The following SDK1 variants were observed in gnomAD, a reference collection of about 807,000 sequenced individuals.
SDK1 encodes the protein sidekick cell adhesion molecule 1, also known as protein sidekick-1.
Under a neutral mutation model 245.5 loss-of-function variants are expected in SDK1, and 157 were observed. The observed-to-expected ratio is 0.64, with a 90% CI of 0.56 to 0.73. The LOEUF is 0.73. SDK1 is among the 30% of genes least tolerant of loss of function. The pLI is 0.00. For synonymous variants in SDK1, 1,647 were observed against 1,278.5 expected, an observed-to-expected ratio of 1.29 and a Z score of -6.15; for missense variants, 3,583 against 3,002.3, an observed-to-expected ratio of 1.19 and a Z score of -4.52.
chr7:3,454,098 C>A (rs942757181), intron 1 of SDK1, among the ~76,000 whole-genome samples: 7 of 152,060 alleles, frequency 4.6e-5, no homozygotes, highest in Non-Finnish European at 1.5e-5. Context: ...ATTCACAGTA[C>A]ATCACCAGCT....
At chr7:3,465,292 C>G (rs1407682583) in intron 1 of SDK1, among the ~76,000 whole-genome samples, 3 of 152,098 alleles carry the variant, frequency 2.0e-5, no homozygotes, top group Non-Finnish European at 4.4e-5. Flanking sequence ...TAGAGGTCAT[C>G]ATAATTCTCC....
chr7:3,930,854 G>A (rs1779952119), intron 5 of SDK1, among the ~76,000 whole-genome samples: 1 of 152,126 alleles, frequency 6.6e-6, no homozygotes, highest in Non-Finnish European at 1.5e-5. Context: ...GTTGTACTAG[G>A]TTTGGAACAA....
intron 4 of SDK1, among the ~76,000 whole-genome samples, chr7:3,773,307 C>T (rs1583398966): frequency 6.6e-6 from 1 of 152,054 alleles, no homozygotes; most frequent in Non-Finnish European, 1.5e-5. Flanking sequence ...TTTCTTCCAC[C>T]TCATTAAAAT....
chr7:3,547,243 G>A (rs147794508), intron 1 of SDK1, among the ~76,000 whole-genome samples: 5 of 152,056 alleles, frequency 3.3e-5, no homozygotes, highest in African/African-American at 1.2e-4. Flanking sequence ...CATATTTAAG[G>A]TTGGATAAAA....
chr7:4,171,910 G>T (rs995537325), intron 32 of SDK1, among the ~76,000 whole-genome samples: 8 of 152,168 alleles, frequency 5.3e-5, no homozygotes, highest in Non-Finnish European at 1.2e-4. Flanking sequence ...GCACACCGTG[G>T]GGGGAACACA....
At chr7:3,686,447 G>C (rs372570532) in intron 4 of SDK1, among the ~76,000 whole-genome samples, 1 of 152,136 alleles carries the variant, frequency 6.6e-6, no homozygotes, top group Non-Finnish European at 1.5e-5. Flanking sequence ...TTTGTATTAG[G>C]TGTCCAGGGC....
intron 1 of SDK1, among the ~76,000 whole-genome samples, chr7:3,525,749 C>G (rs1440999384): frequency 6.6e-6 from 1 of 152,084 alleles, no homozygotes; most frequent in Non-Finnish European, 1.5e-5. Context: ...TATTTCCTGT[C>G]TCCATTGTAA....
At chr7:4,217,975 A>G (rs1784926580) in intron 38 of SDK1, among the ~76,000 whole-genome samples, 1 of 152,206 alleles carries the variant, frequency 6.6e-6, no homozygotes, top group African/African-American at 2.4e-5. Context: ...GACAGGACCC[A>G]GTTTGTGTGT....
chr7:4,176,167 T>G (rs987487706), intron 34 of SDK1, among the ~76,000 whole-genome samples: 3 of 146,048 alleles, frequency 2.1e-5, no homozygotes, highest in African/African-American at 7.4e-5. Flanking sequence ...TTTCTTTACT[T>G]TTTTTTTTTT....
chr7:3,958,140 ACAGTTC>A, intron 7 of SDK1: 3 of 370,442 alleles, frequency 8.1e-6, no homozygotes, highest in South Asian at 6.1e-5. Context: ...GCTCTGGAAG[ACAGTTC>A]CCAGAAATTA....
rs763417643 is a variant in SDK1 at position 3,767,513 on chromosome 7, G to GCATGATAGCTTATTAACACA, written c.714-53937_714-53936insCATGATAGCTTATTAACACA. Among the ~76,000 whole-genome samples the GCATGATAGCTTATTAACACA allele has an allele frequency of 3.7e-3, 564 of 152,258 alleles. 2 individuals are homozygous for GCATGATAGCTTATTAACACA. Among genetic ancestry groups the GCATGATAGCTTATTAACACA allele is most frequent in the Middle Eastern group, 6.8e-3 (2 of 294 alleles). On this transcript the variant is annotated intron_variant, in intron 4 of 44. Transcript: ENST00000404826. ...GTAATTGCTTATTTTAACACAAAAT[G>GCATGATAGCTTATTAACACA]AAATTCATGATAGCTAACACTTACA...
intron 4 of SDK1, among the ~76,000 whole-genome samples, chr7:3,751,525 A>G (rs972333436): frequency 5.9e-5 from 9 of 152,166 alleles, no homozygotes; most frequent in Admixed American, 6.5e-5. Flanking sequence ...AGTGCCTCCA[A>G]TGCTTCAAAG....
chr7:3,953,076 A>G lies in SDK1; in HGVS notation c.1150+1156A>G, dbSNP rs150220658. 2.5e-3 allele frequency among the ~76,000 whole-genome samples: 387 copies of G among 152,148 alleles called. 3 individuals carry two copies. The highest frequency in any genetic ancestry group is 8.8e-3 in the African/African-American group (366 of 41,470). On this transcript the variant is annotated intron_variant, in intron 7 of 44. Transcript: ENST00000404826. ...CGACTTCCTCTCTCCTCTTTGGGAA[A>G]AAGGGGAATTGAGAACAGGAAAATT... is the stretch of plus-strand genomic sequence containing the variant.
intron 2 of SDK1, among the ~76,000 whole-genome samples, chr7:3,621,657 C>G (rs1286780786): frequency 6.6e-6 from 1 of 152,180 alleles, no homozygotes; most frequent in Non-Finnish European, 1.5e-5. Flanking sequence ...TTTCTCTTTT[C>G]CGACCACCTG....
chr7:4,093,953 C>T lies in SDK1; in HGVS notation c.3324+14369C>T, dbSNP rs560294351. Among the ~76,000 whole-genome samples the T allele has an allele frequency of 7.0e-4, 106 of 152,318 alleles. 1 individual carries two copies. Among genetic ancestry groups the T allele is most frequent in the Non-Finnish European group, 7.6e-4 (52 of 68,028 alleles). On this transcript the variant is annotated intron_variant, in intron 22 of 44. Coordinates refer to ENST00000404826, the MANE Select transcript of SDK1 (RefSeq NM_152744.4). ...CAGAGGTGAATCCTGGGGAAAATGT[C>T]GTCTCAGCAGATGAGTGTATCTGCT...
intron 5 of SDK1, among the ~76,000 whole-genome samples, chr7:3,886,139 T>G (rs1781333679): frequency 1.3e-5 from 2 of 152,210 alleles, no homozygotes; most frequent in African/African-American, 4.8e-5. Flanking sequence ...AAACACGGAC[T>G]GTACAGTTAT....
At chr7:3,783,190 A>C (rs1242798004) in intron 4 of SDK1, among the ~76,000 whole-genome samples, 1 of 152,236 alleles carries the variant, frequency 6.6e-6, no homozygotes, top group African/African-American at 2.4e-5. Flanking sequence ...AATTCTCGGC[A>C]AATTAGTTGT....
intron 1 of SDK1, among the ~76,000 whole-genome samples, chr7:3,398,782 TTTTC>T (rs927149266): frequency 2.0e-5 from 3 of 151,340 alleles, no homozygotes; most frequent in African/African-American, 2.4e-5. Flanking sequence ...TTTTTTTTTT[TTTTC>T]CTCAAGCTAG....
chr7:3,398,019 G>C (rs898882584), intron 1 of SDK1, among the ~76,000 whole-genome samples: 1 of 152,078 alleles, frequency 6.6e-6, no homozygotes, highest in African/African-American at 2.4e-5. Context: ...TGAGTAGCAG[G>C]AACTGAAGTA....
Sources: gnomAD v4.1 joint callset for allele counts (sites outside exome capture counted in the v4.1 genomes callset) on GRCh38, gnomAD v4.1.1 for gene constraint, MANE v1.5 for transcripts, NCBI Gene and HGNC (gene_info 2026-07-23, HGNC 2026-07-21) for gene names.